TNIK: variants seen among roughly 807,000 people sequenced by gnomAD.
The protein encoded by TNIK is TRAF2 and NCK interacting kinase.
TNIK carries 49 observed loss-of-function variants against 191.3 expected under a neutral mutation model. The observed-to-expected ratio is 0.26, with a 90% CI of 0.20 to 0.32. The LOEUF is 0.32. Ranked by LOEUF, TNIK falls within the 10% of genes least tolerant of loss-of-function variation. The pLI is 1.00. For missense variants in TNIK, 1,155 were observed against 1,702.3 expected (o/e 0.68, Z 5.66); for synonymous variants, 594 against 600.9 (o/e 0.99, Z 0.17).
chr3:171,232,054 G>A (rs1348986883), intron 2 of TNIK, among the ~76,000 whole-genome samples: 1 of 151,856 alleles, frequency 6.6e-6, no homozygotes, highest in Non-Finnish European at 1.5e-5. Context: ...TTTAAATTTG[G>A]GGGCAGTGCA....
intron 2 of TNIK, among the ~76,000 whole-genome samples, chr3:171,321,059 A>C (rs1185090419): frequency 6.6e-6 from 1 of 152,220 alleles, no homozygotes; most frequent in Non-Finnish European, 1.5e-5. Flanking sequence ...TCCAATTAAA[A>C]GTAGGGGGAA....
At chr3:171,372,266 C>T (rs1215689532) in intron 1 of TNIK, among the ~76,000 whole-genome samples, 1 of 152,206 alleles carries the variant, frequency 6.6e-6, no homozygotes, top group Non-Finnish European at 1.5e-5. Flanking sequence ...AAGGTTTTTG[C>T]TGGACACATC....
chr3:171,370,887 C>T (rs754790047), intron 1 of TNIK, among the ~76,000 whole-genome samples: 7 of 152,062 alleles, frequency 4.6e-5, no homozygotes, highest in African/African-American at 7.2e-5. Flanking sequence ...AAATAGACTG[C>T]GCCTTTGGCC....
chr3:171,334,889 T>A (rs949816131), intron 2 of TNIK, among the ~76,000 whole-genome samples: 14 of 143,858 alleles, frequency 9.7e-5, no homozygotes, highest in African/African-American at 3.1e-4. Context: ...TTTTTTTTTT[T>A]ACCATAAACT....
intron 2 of TNIK, among the ~76,000 whole-genome samples, chr3:171,230,430 T>C (rs927985633): frequency 2.4e-4 from 36 of 152,192 alleles, no homozygotes; most frequent in African/African-American, 8.0e-4. Flanking sequence ...CTGATTTGCC[T>C]TGAAATTATT....
At chr3:171,380,395 T>C (rs1717872078) in intron 1 of TNIK, among the ~76,000 whole-genome samples, 3 of 152,132 alleles carry the variant, frequency 2.0e-5, no homozygotes, top group Admixed American at 2.0e-4. Context: ...ACCTAAATAA[T>C]TAAGAAAGAA....
chr3:171,236,367 G>A (rs1015160272), intron 2 of TNIK, among the ~76,000 whole-genome samples: 1 of 152,188 alleles, frequency 6.6e-6, no homozygotes, highest in Non-Finnish European at 1.5e-5. Flanking sequence ...AAAGCTATGT[G>A]ATCTGATGTG....
intron 2 of TNIK, among the ~76,000 whole-genome samples, chr3:171,264,313 A>T (rs1748108279): frequency 6.7e-6 from 1 of 150,176 alleles, no homozygotes; most frequent in African/African-American, 2.5e-5. Context: ...GACATTGCGT[A>T]CCAAATTGTA....
chr3:171,367,667 C>T (rs1323110593), intron 2 of TNIK, among the ~76,000 whole-genome samples: 1 of 152,094 alleles, frequency 6.6e-6, no homozygotes, highest in Non-Finnish European at 1.5e-5. Context: ...GACAGGGTTG[C>T]ATCATGTTGG....
At chr3:171,440,334 C>T (rs1320868100) in intron 1 of TNIK, among the ~76,000 whole-genome samples, 1 of 151,618 alleles carries the variant, frequency 6.6e-6, no homozygotes, top group Non-Finnish European at 1.5e-5. Context: ...AATTTTTTTT[C>T]AAAATCTGAT....
At chr3:171,268,950 T>C (rs991993207) in intron 2 of TNIK, among the ~76,000 whole-genome samples, 2 of 152,210 alleles carry the variant, frequency 1.3e-5, no homozygotes, top group African/African-American at 4.8e-5. Flanking sequence ...TTTCCAGAAG[T>C]ATATTCACCC....
chr3:171,086,048 A>G (rs908115187), intron 24 of TNIK, among the ~76,000 whole-genome samples: 5 of 152,200 alleles, frequency 3.3e-5, no homozygotes, highest in Non-Finnish European at 7.3e-5. Context: ...AGTCATGTCC[A>G]TTTCTTCTAT....
intron 2 of TNIK, among the ~76,000 whole-genome samples, chr3:171,287,394 T>C (rs968687720): frequency 2.0e-5 from 3 of 152,244 alleles, no homozygotes; most frequent in Non-Finnish European, 4.4e-5. Context: ...TTGCTTTTAA[T>C]GCAAACTCTA....
intron 10 of TNIK, among the ~76,000 whole-genome samples, chr3:171,163,597 G>T (rs994982549): frequency 1.3e-5 from 2 of 152,002 alleles, no homozygotes; most frequent in African/African-American, 2.4e-5. Flanking sequence ...AAAATATAAA[G>T]AACCTGCATA....
At chr3:171,104,118 G>C (rs1405582661) in intron 21 of TNIK, among the ~76,000 whole-genome samples, 2 of 152,034 alleles carry the variant, frequency 1.3e-5, no homozygotes, top group Admixed American at 6.6e-5. Flanking sequence ...ACATATACCA[G>C]AATCCCTATG....
intron 4 of TNIK, among the ~76,000 whole-genome samples, chr3:171,207,749 A>G (rs569122018): frequency 2.8e-4 from 42 of 152,308 alleles, no homozygotes; most frequent in Admixed American, 7.8e-4. Context: ...ACACAAAGAT[A>G]TGTTAACTCA....
At chr3:171,239,893 T>C (rs1332232763) in intron 2 of TNIK, among the ~76,000 whole-genome samples, 1 of 151,602 alleles carries the variant, frequency 6.6e-6, no homozygotes, top group East Asian at 1.9e-4. Flanking sequence ...ACAATAATGC[T>C]GAGAACACTT....
intron 3 of TNIK, among the ~76,000 whole-genome samples, chr3:171,221,685 A>G (rs1183132985): frequency 6.6e-6 from 1 of 152,060 alleles, no homozygotes; most frequent in Non-Finnish European, 1.5e-5. Context: ...AAATCTTGTG[A>G]TTTCAGCCTT....
At chr3:171,439,122 A>C (rs1577942326) in intron 1 of TNIK, among the ~76,000 whole-genome samples, 1 of 152,174 alleles carries the variant, frequency 6.6e-6, no homozygotes, top group Non-Finnish European at 1.5e-5. Context: ...AGGCAGGCGG[A>C]TCACAAGGTC....
Sources: gnomAD v4.1 joint callset for allele counts (sites outside exome capture counted in the v4.1 genomes callset) on GRCh38, gnomAD v4.1.1 for gene constraint, MANE v1.5 for transcripts, NCBI Gene and HGNC (gene_info 2026-07-23, HGNC 2026-07-21) for gene names.